The following CEP290 variants were observed in gnomAD, a reference collection of about 807,000 sequenced individuals.
The protein encoded by CEP290 is centrosomal protein 290.
In CEP290, 317 loss-of-function variants were observed where a neutral mutation model predicts 344.9. The ratio of observed to expected loss-of-function variants is 0.92; its 90% CI spans 0.84 to 1.01. The LOEUF is 1.01. CEP290 is among the 50% of genes least tolerant of loss of function. The pLI, the probability that CEP290 is intolerant of heterozygous loss-of-function variation, is 0.00. For missense variants in CEP290, 2,754 were observed against 2,761.4 expected, an observed-to-expected ratio of 1.00 and a Z score of 0.06; for synonymous variants, 932 against 895.8, an observed-to-expected ratio of 1.04 and a Z score of -0.72.
At chr12:88,096,739 T>C (rs2037460547) in intron 27 of CEP290, 149 bp downstream of exon 27, 1 of 514,988 alleles carries the variant, frequency 1.9e-6, no homozygotes, top group Admixed American at 3.8e-5. Context: ...GGATTATTCA[T>C]CTGCCTAAGT....
Position 88,086,474 on chromosome 12 carries a change from A to T in CEP290, c.4219T>A (p.Trp1407Arg). The T allele has an allele frequency of 6.3e-7, 1 of 1,597,066 alleles. No individual in the cohort carries two copies. Among genetic ancestry groups the T allele is most frequent in the Non-Finnish European group, 8.5e-7 (1 of 1,170,132 alleles). The change falls in exon 33 of 54, where the codon TGG becomes AGG. Residue 1407 changes from tryptophan (W) to arginine (R), a missense_variant. Transcript: ENST00000552810. ...TCCAGGTCAACTTCTCTTTGATCCC[A>T]GGCCATTTGTCTTTCTTCATGAAAC... ...NKFHEERQMA[W>R]DQREVDLERQ...
chr12:88,118,013 C>T (rs2039159139), intron 17 of CEP290, among the ~76,000 whole-genome samples: 1 of 151,486 alleles, frequency 6.6e-6, no homozygotes, highest in African/African-American at 2.4e-5. Flanking sequence ...CCAGCCTGGG[C>T]AATAGAACAA....
intron 27 of CEP290, among the ~76,000 whole-genome samples, chr12:88,096,182 G>T (rs1039815584): frequency 1.3e-5 from 2 of 152,016 alleles, no homozygotes; most frequent in African/African-American, 4.8e-5. Context: ...CTGAGTAGAT[G>T]GAATTACAGG....
In CEP290 at chr12:88,089,073, CT is replaced by C; in HGVS notation, c.3987del (p.Glu1330SerfsTer2). Reference sequence around the variant, plus strand: ...GTATCCTTTAAAGTGCTTATTAACTCTTCCAGGCCCTTTAATTTTAATTCCA... The same window carrying C: ...GTATCCTTTAAAGTGCTTATTAACTCTCCAGGCCCTTTAATTTTAATTCCA... ...LEMELKLKGL[E>X]ELISTLKDTK... On this transcript the variant is annotated frameshift_variant, in exon 31 of 54. Coordinates refer to ENST00000552810, the MANE Select transcript of CEP290 (RefSeq NM_025114.4). LOFTEE classifies it high-confidence loss of function. 1 of 1,532,946 alleles carries C rather than the reference CT, an allele frequency of 6.5e-7. No homozygotes were observed. The highest frequency in any genetic ancestry group is 8.7e-7 in the Non-Finnish European group (1 of 1,145,004). 95.0% of individuals were successfully genotyped at this position (1,532,946 alleles called of 1,614,324 possible). A position where few individuals can be genotyped will look rare whatever the true frequency, so the allele number is the denominator to read the frequency against.
At position 88,130,408 on chromosome 12, in the gene CEP290, A is replaced by T. The variant is rs1196636239; in HGVS notation, c.529T>A (p.Cys177Ser). The change falls in exon 9 of 54, where the codon TGT becomes AGT. Residue 177 changes from cysteine (C) to serine (S), a missense_variant. Coordinates refer to ENST00000552810, the MANE Select transcript of CEP290 (RefSeq NM_025114.4). ...TTCTGGTAGTCAATAATATCCTGAC[A>T]AAGTTGTTCATTCTGAAGGTAACCA... ...KRLKKKNEQL[C>S]QDIIDYQKQI... 6.2e-7 allele frequency: 1 copy of T among 1,604,468 alleles called. No homozygotes were observed. Among genetic ancestry groups the T allele is most frequent in the Non-Finnish European group, 8.5e-7 (1 of 1,177,356 alleles).
intron 15 of CEP290, 77 bp downstream of exon 15, chr12:88,120,037 A>G: frequency 1.1e-6 from 1 of 913,490 alleles, no homozygotes; most frequent in Non-Finnish European, 1.6e-6. Flanking sequence ...AATAAATAAT[A>G]ATAAACAAAA....
chr12:88,071,736 A>T, intron 42 of CEP290, 45 bp downstream of exon 42: 1 of 1,450,360 alleles, frequency 6.9e-7, no homozygotes, highest in Non-Finnish European at 9.3e-7. Context: ...CAGGTCACTA[A>T]AGGATTTTAC....
intron 47 of CEP290, 48 bp from the exon 48 acceptor site, chr12:88,060,068 G>T: frequency 7.3e-7 from 1 of 1,369,362 alleles, no homozygotes; most frequent in Non-Finnish European, 9.8e-7. Context: ...TCAAAACAAG[G>T]AAATAAAAGA....
At chr12:88,092,538 C>T (rs2037130768) in intron 29 of CEP290, 143 bp downstream of exon 29, 2 of 592,854 alleles carry the variant, frequency 3.4e-6, no homozygotes, top group Admixed American at 4.0e-5. Flanking sequence ...TAAAACCGAT[C>T]TTAATATTAC....
chr12:88,103,098 A>G (rs929394117), intron 25 of CEP290, 87 bp from the exon 26 acceptor site: 3 of 701,862 alleles, frequency 4.3e-6, no homozygotes, highest in Non-Finnish European at 4.2e-6. Context: ...AATACAACTT[A>G]AAGTAAAACG....
chr12:88,062,820 A>G (rs2034583020), intron 45 of CEP290, 42 bp from the exon 46 acceptor site: 1 of 1,278,090 alleles, frequency 7.8e-7, no homozygotes, highest in Non-Finnish European at 1.1e-6. Context: ...TAACATAGCT[A>G]CAGCCATTGA....
rs1233939358 is a variant in CEP290, at chr12:88,049,384, C to T, written c.7240G>A (p.Glu2414Lys). ...TCAAAAAATGAAGGATCAAAATTTT[C>T]CAGTTCTTTTTTCAGCTTCTTTATT... Reference protein sequence around the residue: ...EEIKKLKKELENFDPSFFEEI... With the variant: ...EEIKKLKKELKNFDPSFFEEI... Residue 2414 changes from glutamate to lysine, a missense_variant, in exon 54 of 54, where the codon GAA becomes AAA. Glu to Lys is a moderately conservative substitution (Grantham distance 56, BLOSUM62 1). Transcript: ENST00000552810. The T allele has an allele frequency of 2.6e-6, 4 of 1,537,654 alleles. No individual in the cohort carries two copies. The highest frequency in any genetic ancestry group is 2.3e-5 in the East Asian group (1 of 43,948).
intron 23 of CEP290, 78 bp downstream of exon 23, chr12:88,108,988 A>T: frequency 1.9e-6 from 1 of 540,460 alleles, no homozygotes; most frequent in Non-Finnish European, 3.2e-6. Flanking sequence ...AGAACAAAAC[A>T]TAAATTATTC....
intron 30 of CEP290, among the ~76,000 whole-genome samples, chr12:88,090,492 T>C (rs544134217): frequency 1.9e-4 from 29 of 152,016 alleles, no homozygotes; most frequent in Non-Finnish European, 4.0e-4. Context: ...AAATTAGGTG[T>C]GGTGGCACGT....
Position 88,114,572 on chromosome 12 carries a change from C to T in CEP290, c.1910-10G>A, listed in dbSNP as rs1256409893. On this transcript the variant is annotated splice_polypyrimidine_tract_variant and intron_variant, in intron 19 of 53. Transcript: ENST00000552810. ...TCAACTAATTCTTTTACTGTAATTA[C>T]ACAGTTTTCTCATTGGATGATCAGA... 6.5e-7 allele frequency: 1 copy of T among 1,528,902 alleles called. No individual in the cohort carries two copies. The highest frequency in any genetic ancestry group is 2.1e-5 in the Admixed American group (1 of 47,112). 94.7% of individuals were successfully genotyped at this position (1,528,902 alleles called of 1,614,324 possible).
intron 38 of CEP290, 64 bp downstream of exon 38, chr12:88,080,118 C>A (rs2036083064): frequency 9.5e-6 from 10 of 1,057,040 alleles, no homozygotes; most frequent in Non-Finnish European, 1.2e-5. Flanking sequence ...ATTTACAAAT[C>A]TTCTCTAAAA....
At chr12:88,068,979 T>C (rs561564629) in intron 43 of CEP290, among the ~76,000 whole-genome samples, 49 of 152,250 alleles carry the variant, frequency 3.2e-4, no homozygotes, top group Non-Finnish European at 6.0e-4. Context: ...ACTTACTATT[T>C]TAAAACATTA....
chr12:88,116,246 G>A (rs1279070588), intron 18 of CEP290, among the ~76,000 whole-genome samples: 1 of 152,160 alleles, frequency 6.6e-6, no homozygotes, highest in African/African-American at 2.4e-5. Flanking sequence ...TACTAAAGGT[G>A]CTGACTAACG....
In CEP290 at chr12:88,083,905, T is replaced by A. The variant is rs199826787; in HGVS notation, c.4754A>T (p.His1585Leu). 1.3e-6 allele frequency: 2 copies of A among 1,599,504 alleles called. No homozygotes were observed. Among genetic ancestry groups the A allele is most frequent in the African/African-American group, 2.7e-5 (2 of 74,742 alleles). ...KKHEEDLHIL[H>L]HRLELQADSS... ...ATCAGCCTGTAGTTCTAATCTGTGA[T>A]GAAGAATATGAAGGTCTTCCTCATG... is the stretch of plus-strand genomic sequence containing the variant. The change falls in exon 36 of 54, where the codon CAT becomes CTT. Residue 1585 changes from histidine to leucine, a missense_variant. Coordinates refer to ENST00000552810, the MANE Select transcript of CEP290 (RefSeq NM_025114.4).
Sources: allele counts gnomAD v4.1 joint callset (sites outside exome capture counted in the v4.1 genomes callset), GRCh38; gene constraint gnomAD v4.1.1; transcripts MANE v1.5; gene names NCBI Gene and HGNC (gene_info 2026-07-23, HGNC 2026-07-21).